The following SCG5 variants were observed in gnomAD, a reference collection of about 807,000 sequenced individuals.
SCG5 encodes the protein neuroendocrine protein 7B2.
Under a neutral mutation model 25.7 loss-of-function variants are expected in SCG5, and 18 were observed. The ratio of observed to expected loss-of-function variants is 0.70; its 90% CI spans 0.48 to 1.04. SCG5 has a LOEUF of 1.04. Ranked by LOEUF, SCG5 falls within the 50% of genes least tolerant of loss-of-function variation. SCG5 has a pLI of 0.00. For synonymous variants in SCG5, 101 were observed against 91.7 expected (o/e 1.10, Z -0.58); for missense variants, 206 against 259.8 (o/e 0.79, Z 1.42).
chr15:32,668,185 ATAG>A (rs2054353922), intron 2 of SCG5, among the ~76,000 whole-genome samples: 1 of 152,238 alleles, frequency 6.6e-6, no homozygotes, highest in African/African-American at 2.4e-5. Context: ...CTGCCAAAAA[ATAG>A]TAGTAGCTGC....
At chr15:32,693,469 T>C (rs1595824411) in intron 5 of SCG5, among the ~76,000 whole-genome samples, 1 of 152,206 alleles carries the variant, frequency 6.6e-6, no homozygotes, top group African/African-American at 2.4e-5. Flanking sequence ...CCATAAACCA[T>C]GGGCCTCTCT....
At chr15:32,660,805 T>A (rs1366877882) in intron 2 of SCG5, among the ~76,000 whole-genome samples, 7 of 152,222 alleles carry the variant, frequency 4.6e-5, no homozygotes, top group Non-Finnish European at 1.0e-4. Flanking sequence ...TGGTAATCAA[T>A]ATTGTACAGC....
chr15:32,667,933 C>T (rs2054349991), intron 2 of SCG5, among the ~76,000 whole-genome samples: 1 of 152,142 alleles, frequency 6.6e-6, no homozygotes, highest in Non-Finnish European at 1.5e-5. Flanking sequence ...CTTCGGCCTC[C>T]CAAACTTCTG....
intron 3 of SCG5, among the ~76,000 whole-genome samples, chr15:32,680,495 G>T (rs973666604): frequency 6.6e-6 from 1 of 151,318 alleles, no homozygotes; most frequent in African/African-American, 2.4e-5. Context: ...ACTGCGCCCG[G>T]CCTGCACTTG....
intron 2 of SCG5, among the ~76,000 whole-genome samples, chr15:32,676,012 T>G (rs1352164779): frequency 1.3e-5 from 2 of 152,236 alleles, no homozygotes; most frequent in African/African-American, 4.8e-5. Context: ...TCAGGTACAA[T>G]AGATCAATAT....
intron 4 of SCG5, among the ~76,000 whole-genome samples, chr15:32,686,613 G>A (rs1010019280): frequency 6.6e-6 from 1 of 152,064 alleles, no homozygotes; most frequent in Non-Finnish European, 1.5e-5. Flanking sequence ...GAGAGTGAGG[G>A]AAAGAGTAGA....
intron 2 of SCG5, among the ~76,000 whole-genome samples, chr15:32,670,004 T>C (rs910027778): frequency 2.6e-5 from 4 of 152,204 alleles, no homozygotes; most frequent in Admixed American, 6.5e-5. Context: ...CACATGTAGA[T>C]GTGAAAGCTA....
At chr15:32,687,203 T>C (rs1320593557) in intron 4 of SCG5, among the ~76,000 whole-genome samples, 1 of 152,230 alleles carries the variant, frequency 6.6e-6, no homozygotes, top group Non-Finnish European at 1.5e-5. Flanking sequence ...CAGATTTCTC[T>C]CATCAAATTC....
chr15:32,678,523 T>C (rs1215411496), intron 2 of SCG5, among the ~76,000 whole-genome samples: 1 of 152,216 alleles, frequency 6.6e-6, no homozygotes, highest in African/African-American at 2.4e-5. Flanking sequence ...TAAAAATTGA[T>C]TTTCATAAAA....
chr15:32,691,953 G>T, intron 5 of SCG5, 190 bp downstream of exon 5: 2 of 1,435,830 alleles, frequency 1.4e-6, no homozygotes, highest in Non-Finnish European at 9.1e-7. Context: ...GGCTTCCCCA[G>T]GCTTTAGCAG....
chr15:32,673,531 T>TGTGTGTGTGTGTGTGG (rs2054477561), intron 2 of SCG5, among the ~76,000 whole-genome samples: 1 of 149,572 alleles, frequency 6.7e-6, no homozygotes, highest in African/African-American at 2.5e-5. Context: ...GATCCCCGTG[T>TGTGTGTGTGTGTGTGG]GTGTGTGTGT....
chr15:32,675,371 C>G (rs2054513629), intron 2 of SCG5, among the ~76,000 whole-genome samples: 1 of 152,162 alleles, frequency 6.6e-6, no homozygotes, highest in Admixed American at 6.5e-5. Flanking sequence ...TGCAGCCACC[C>G]TAATTCCAAT....
intron 2 of SCG5, among the ~76,000 whole-genome samples, chr15:32,649,255 C>G (rs1201561914): frequency 2.0e-5 from 3 of 152,160 alleles, no homozygotes; most frequent in Non-Finnish European, 4.4e-5. Context: ...ATAAATATAC[C>G]TAATGGCAAT....
At chr15:32,644,031 A>G (rs921582819) in intron 2 of SCG5, among the ~76,000 whole-genome samples, 5 of 152,198 alleles carry the variant, frequency 3.3e-5, no homozygotes, top group Non-Finnish European at 7.3e-5. Flanking sequence ...CCCACATGAG[A>G]CTATAAGTCC....
chr15:32,659,185 C>A (rs2054176283), intron 2 of SCG5, among the ~76,000 whole-genome samples: 1 of 149,666 alleles, frequency 6.7e-6, no homozygotes, highest in South Asian at 2.1e-4. Flanking sequence ...CAAAAAAAAA[C>A]AAACAAAAAA....
intron 3 of SCG5, among the ~76,000 whole-genome samples, chr15:32,683,666 C>A (rs1460512607): frequency 3.9e-5 from 6 of 152,200 alleles, no homozygotes; most frequent in African/African-American, 1.4e-4. Flanking sequence ...TTGCATCTCA[C>A]ACATACATGA....
intron 2 of SCG5, among the ~76,000 whole-genome samples, chr15:32,649,043 G>C (rs570453150): frequency 1.3e-5 from 2 of 152,048 alleles, no homozygotes; most frequent in Non-Finnish European, 2.9e-5. Context: ...GGCGTGAGCC[G>C]CCATGTCCAG....
At chr15:32,665,709 A>C (rs932254666) in intron 2 of SCG5, 2 of 152,198 alleles carry the variant, frequency 1.3e-5, no homozygotes, top group African/African-American at 4.8e-5. Flanking sequence ...TTGAAATGTT[A>C]AAGCACGAGA....
At chr15:32,663,265 A>C (rs2140530179) in intron 2 of SCG5, among the ~76,000 whole-genome samples, 1 of 151,842 alleles carries the variant, frequency 6.6e-6, no homozygotes, top group Non-Finnish European at 1.5e-5. Flanking sequence ...TTATTGCCCC[A>C]AAAGAAACTC....
Sources: gnomAD v4.1 joint callset for allele counts (sites outside exome capture counted in the v4.1 genomes callset) on GRCh38, gnomAD v4.1.1 for gene constraint, MANE v1.5 for transcripts, NCBI Gene and HGNC (gene_info 2026-07-23, HGNC 2026-07-21) for gene names.